Variants in L1CAM observed in about 807,000 individuals in gnomAD.
L1CAM encodes the protein L1 cell adhesion molecule, also known as neural cell adhesion molecule L1.
L1CAM carries 8 observed loss-of-function variants against 93.0 expected under a neutral mutation model. That is an observed-to-expected ratio of 0.09 (90% confidence interval 0.05 to 0.16). L1CAM has a LOEUF of 0.16. Ranked by LOEUF, L1CAM falls within the 10% of genes least tolerant of loss-of-function variation. The pLI, the probability that L1CAM is intolerant of heterozygous loss-of-function variation, is 1.00. For missense variants in L1CAM, 777 were observed against 1,073.4 expected (o/e 0.72, Z 3.86); for synonymous variants, 453 against 453.0 (o/e 1.00, Z 0.00).
At chrX:153,865,581 G>A in intron 20 of L1CAM, 81 bp from the exon 21 acceptor site, 2 of 1,056,764 alleles carry the variant, frequency 1.9e-6, no homozygotes, top group Admixed American at 4.4e-5. Flanking sequence ...CACCCTTAAT[G>A]GGGACCCTCC....
At position 153,869,946 on chromosome X, in the gene L1CAM, G is replaced by A. The variant is rs1557092459; in HGVS notation, c.992-12C>T. ...CCAGTACGGGGCAGCTGGGAGGAAG[G>A]GGAGAGCCGCCCTGAGCCCGCAGCC... On this transcript the variant is annotated splice_polypyrimidine_tract_variant and intron_variant, in intron 9 of 28. Transcript: ENST00000370060. The A allele has an allele frequency of 8.3e-7, 1 of 1,209,547 alleles. No individual in the cohort carries two copies. Among genetic ancestry groups the A allele is most frequent in the Admixed American group, 2.2e-5 (1 of 45,984 alleles).
intron 1 of L1CAM, among the ~76,000 whole-genome samples, chrX:153,877,710 C>T (rs1557094967): frequency 9.0e-6 from 1 of 111,551 alleles, no homozygotes; most frequent in African/African-American, 3.3e-5. Flanking sequence ...AAAACAACCC[C>T]CTGCTGCTCC....
Position 153,864,157 on chromosome X carries a change from G to A in L1CAM, c.3323-140C>T, listed in dbSNP as rs1056013158. 4 of 1,025,631 alleles carry A rather than the reference G, an allele frequency of 3.9e-6. No individual in the cohort carries two copies. In the African/African-American group the frequency reaches 7.4e-5, roughly 19 times the overall value. 84.5% of individuals were successfully genotyped at this position (1,025,631 alleles called of 1,213,427 possible). Reference sequence around the variant, plus strand: ...AGGGAAAAGGGCATCTGCGGAAAGGGTATGAAAGGGGGCTGATTCGGGGAC... The same window carrying A: ...AGGGAAAAGGGCATCTGCGGAAAGGATATGAAAGGGGGCTGATTCGGGGAC... On this transcript the variant is annotated intron_variant, in intron 25 of 28. Transcript: ENST00000370060.
At chrX:153,869,448 C>T in intron 11 of L1CAM, 72 bp downstream of exon 11, 5 of 1,155,300 alleles carry the variant, frequency 4.3e-6, no homozygotes, top group Non-Finnish European at 5.9e-6. Flanking sequence ...AGCTGAGCCA[C>T]TCTGGTGGCC....
chrX:153,869,133 C>T, intron 11 of L1CAM, 181 bp from the exon 12 acceptor site: 1 of 471,741 alleles, frequency 2.1e-6, no homozygotes. Context: ...CTGCCCTCTG[C>T]CTCAGATGCG....
intron 1 of L1CAM, among the ~76,000 whole-genome samples, chrX:153,881,524 G>A (rs1279192934): frequency 9.0e-6 from 1 of 111,711 alleles, no homozygotes; most frequent in Non-Finnish European, 1.9e-5. Flanking sequence ...GAAGTAGGAT[G>A]TGATCAACAT....
intron 1 of L1CAM, chrX:153,876,264 A>T (rs2064813442): frequency 2.9e-6 from 1 of 350,380 alleles, no homozygotes; most frequent in Non-Finnish European, 5.1e-6. Flanking sequence ...TGGCATGCAC[A>T]TCCCCGTATG....
intron 11 of L1CAM, 132 bp downstream of exon 11, chrX:153,869,388 A>C (rs1205569648): frequency 5.6e-6 from 4 of 714,937 alleles, no homozygotes; most frequent in Non-Finnish European, 8.7e-6. Context: ...GGGTGTCAGC[A>C]AGGAGAAAGG....
chrX:153,874,818 C>T (rs1569544968), intron 2 of L1CAM, among the ~76,000 whole-genome samples: 1 of 112,001 alleles, frequency 8.9e-6, no homozygotes, highest in Non-Finnish European at 1.9e-5. Context: ...CTCACACGGC[C>T]TGACAGCTAC....
In L1CAM at chrX:153,885,165, C is replaced by T. The variant is rs782116345; in HGVS notation, c.-109+900G>A. ...ATGGAGGGAATAGGAATCGCTGACC[C>T]CTCCCATAACCGCACAGAGATAGGA... is the stretch of plus-strand genomic sequence containing the variant. On this transcript the variant is annotated intron_variant, in intron 1 of 28. Transcript: ENST00000370060. 2.7e-5 allele frequency among the ~76,000 whole-genome samples: 3 copies of T among 113,202 alleles called. No individual in the cohort carries two copies. The South Asian group carries it at 1.1e-3, about 41-fold the overall frequency.
Position 153,870,864 on chromosome X carries a change from T to C in L1CAM, c.620A>G (p.Tyr207Cys). ...NVLTSDNHSDYICHAHFPGTR... is the reference protein window; with the variant it reads ...NVLTSDNHSDCICHAHFPGTR... ...GCCTGGGAAGTGGGCGTGGCAGATG[T>C]AGTCTGAGTGGTTGTCGGAGGTGAG... The change falls in exon 7 of 29, where the codon TAC becomes TGC. Residue 207 changes from tyrosine (Y) to cysteine (C), a missense_variant. Tyr to Cys is a radical substitution (Grantham distance 194). This residue lies in a region of L1CAM where 574 missense variants were observed against 781.0 expected (regional missense o/e 0.73). Transcript: ENST00000370060. The C allele has an allele frequency of 8.3e-7, 1 of 1,211,048 alleles. No individual in the cohort carries two copies.
At chrX:153,875,497 C>T (rs2064805921) in intron 2 of L1CAM, 2 of 474,624 alleles carry the variant, frequency 4.2e-6, no homozygotes, top group Non-Finnish European at 7.6e-6. Context: ...GGGCCCTGCT[C>T]CAGGTTCGCT....
chrX:153,884,338 C>T (rs1440760828), intron 1 of L1CAM: 3 of 804,666 alleles, frequency 3.7e-6, no homozygotes, highest in African/African-American at 2.1e-5. Flanking sequence ...TGATTGTCCT[C>T]CTGATGCTCA....
At chrX:153,879,860 C>T (rs782519651) in intron 1 of L1CAM, among the ~76,000 whole-genome samples, 1 of 112,184 alleles carries the variant, frequency 8.9e-6, no homozygotes, top group Non-Finnish European at 1.9e-5. Flanking sequence ...AAGTGGTCAC[C>T]TGGCTGGAGG....
At chrX:153,863,256 G>A (rs2064679768) in intron 28 of L1CAM, 112 bp downstream of exon 28, 1 of 857,955 alleles carries the variant, frequency 1.2e-6, no homozygotes, top group Non-Finnish European at 1.7e-6. Flanking sequence ...CTGGGGGCTG[G>A]GAAGTGAGAG....
intron 17 of L1CAM, 103 bp from the exon 18 acceptor site, chrX:153,867,227 C>T (rs1603274874): frequency 4.1e-6 from 4 of 976,624 alleles, no homozygotes; most frequent in African/African-American, 3.8e-5. Context: ...CCAAGGGAGT[C>T]CAGCCCCCTC....
At chrX:153,863,293 G>A in intron 28 of L1CAM, 75 bp downstream of exon 28, 2 of 1,103,459 alleles carry the variant, frequency 1.8e-6, no homozygotes, top group Admixed American at 2.3e-5. Context: ...GCAGCCAGGG[G>A]ACAATGGCAC....
At position 153,875,840 on chromosome X, in the gene L1CAM, T is replaced by A; in HGVS notation, c.-4A>T. The A allele has an allele frequency of 8.3e-7, 1 of 1,204,330 alleles. No homozygotes were observed. Among genetic ancestry groups the A allele is most frequent in the Non-Finnish European group, 1.1e-6 (1 of 893,868 alleles). On this transcript the variant is annotated 5_prime_UTR_variant, in exon 2 of 29. Transcript: ENST00000370060. ...CGTACCGCAGCGCCACGACCATCTT[T>A]CCCGGCGGCACCGCGCAGCACAGCC...
At chrX:153,871,770 G>A (rs1173459582) in intron 5 of L1CAM, among the ~76,000 whole-genome samples, 1 of 110,943 alleles carries the variant, frequency 9.0e-6, no homozygotes, top group Non-Finnish European at 1.9e-5. Context: ...CCAGAGAAGA[G>A]GGGCCCTGCT....
Sources: allele counts gnomAD v4.1 joint callset (sites outside exome capture counted in the v4.1 genomes callset), GRCh38; gene constraint gnomAD v4.1.1; regional missense constraint gnomAD v4.1.1; transcripts MANE v1.5; gene names NCBI Gene and HGNC (gene_info 2026-07-23, HGNC 2026-07-21).